The following PDE9A variants were observed in gnomAD, a reference collection of about 807,000 sequenced individuals.
PDE9A encodes phosphodiesterase 9A, also known as high affinity cGMP-specific 3',5'-cyclic phosphodiesterase 9A.
Under a neutral mutation model 87.4 loss-of-function variants are expected in PDE9A, and 60 were observed. That is an observed-to-expected ratio of 0.69 (90% confidence interval 0.56 to 0.85). The LOEUF is 0.85. Among genes scored for constraint, PDE9A ranks in the 40% least tolerant of loss-of-function variants. The pLI is 0.00. For missense variants in PDE9A, 665 were observed against 779.0 expected, an observed-to-expected ratio of 0.85 and a Z score of 1.74; for synonymous variants, 272 against 279.4, an observed-to-expected ratio of 0.97 and a Z score of 0.27.
Position 42,739,429 on chromosome 21 carries a change from A to G in PDE9A, c.569-4347A>G, listed in dbSNP as rs1186635588. On this transcript the variant is annotated intron_variant, in intron 7 of 19. Transcript: ENST00000291539. The surrounding 1 kb of genome is among the most constrained non-coding windows in gnomAD (Gnocchi z 4.1). Reference sequence around the variant, plus strand: ...AAAGGCCAGGGAGTGAGGAGGCAGGACCCCCGGGGACACAGGCACACACAT... The same window carrying G: ...AAAGGCCAGGGAGTGAGGAGGCAGGGCCCCCGGGGACACAGGCACACACAT... Among the ~76,000 whole-genome samples, 1 of 151,474 alleles carries G rather than the reference A, an allele frequency of 6.6e-6. No individual in the cohort carries two copies. Among genetic ancestry groups the G allele is most frequent in the East Asian group, 1.9e-4 (1 of 5,166 alleles).
At chr21:42,706,881 A>G (rs2048882765) in intron 4 of PDE9A, among the ~76,000 whole-genome samples, 1 of 150,622 alleles carries the variant, frequency 6.6e-6, no homozygotes, top group Non-Finnish European at 1.5e-5. Context: ...GGCTTCTTCC[A>G]CTTTGCACAC....
At position 42,710,757 on chromosome 21, in the gene PDE9A, G is replaced by A. The variant is rs1024167886; in HGVS notation, c.262+11746G>A. On this transcript the variant is annotated intron_variant, in intron 4 of 19. Coordinates refer to ENST00000291539, the MANE Select transcript of PDE9A (RefSeq NM_002606.3). ...AATCCTAGCTCTTTGGAAGGCCAAG[G>A]TGGGTGGATTACCTGCGGTCAAGAG... Among the ~76,000 whole-genome samples, 9 of 152,202 alleles carry A rather than the reference G, an allele frequency of 5.9e-5. No homozygotes were observed. In the East Asian group the frequency reaches 7.7e-4, roughly 13 times the overall value.
Position 42,753,492 on chromosome 21 carries a change from C to T in PDE9A, c.736-498C>T, listed in dbSNP as rs540700698. 1.1e-4 allele frequency among the ~76,000 whole-genome samples: 16 copies of T among 152,306 alleles called. No individual in the cohort carries two copies. The South Asian group carries it at 2.9e-3, about 28-fold the overall frequency. ...CCCTCACCCTGCCTCTGGCATCCAC[C>T]GATGGGATCTCCACCCGTAGCATTG... On this transcript the variant is annotated intron_variant, in intron 9 of 19. Coordinates refer to ENST00000291539, the MANE Select transcript of PDE9A (RefSeq NM_002606.3).
chr21:42,677,230 A>T (rs1323157549), intron 1 of PDE9A, among the ~76,000 whole-genome samples: 1 of 152,262 alleles, frequency 6.6e-6, no homozygotes, highest in Admixed American at 6.5e-5. Flanking sequence ...AGTTCAGAGA[A>T]GCTCTGTAAA....
chr21:42,720,574 T>C (rs182601104), intron 4 of PDE9A, among the ~76,000 whole-genome samples: 11 of 152,292 alleles, frequency 7.2e-5, no homozygotes, highest in African/African-American at 2.6e-4. Context: ...TCTCTGGGGT[T>C]TTCTGAAGGG....
chr21:42,754,384 C>T lies in PDE9A; in HGVS notation c.810+320C>T, dbSNP rs538339422. Among the ~76,000 whole-genome samples the T allele has an allele frequency of 4.6e-5, 7 of 152,302 alleles. 1 individual carries two copies. The highest frequency in any genetic ancestry group is 2.6e-4 in the Admixed American group (4 of 15,306). ...TGCTCATCCTGCAGACCCTCATGCA[C>T]GCCGGTGGCAGCCCCGTGCTGCAGA... On this transcript the variant is annotated intron_variant, in intron 10 of 19. Transcript: ENST00000291539.
chr21:42,736,994 G>C (rs2052525894), intron 7 of PDE9A, among the ~76,000 whole-genome samples: 1 of 152,242 alleles, frequency 6.6e-6, no homozygotes, highest in Non-Finnish European at 1.5e-5. Context: ...ACCCAAAGAT[G>C]CAAGAGCCCA....
intron 1 of PDE9A, among the ~76,000 whole-genome samples, chr21:42,654,448 A>C (rs561069039): frequency 2.1e-4 from 32 of 152,248 alleles, no homozygotes; most frequent in Non-Finnish European, 3.5e-4. Context: ...CAGCGTTCCT[A>C]GCGGACTTGA....
intron 1 of PDE9A, among the ~76,000 whole-genome samples, chr21:42,665,038 C>T (rs555534424): frequency 1.4e-4 from 22 of 152,356 alleles, no homozygotes; most frequent in Non-Finnish European, 2.5e-4. Flanking sequence ...CCCATATGCC[C>T]GCCATCCTTC....
rs1020355893 is a variant in PDE9A at position 42,760,570 on chromosome 21, G to A, written c.1002+138G>A. The A allele has an allele frequency of 3.4e-5, 22 of 642,574 alleles. No homozygotes were observed. Among genetic ancestry groups the A allele is most frequent in the East Asian group, 1.9e-4 (7 of 36,632 alleles). 39.8% of individuals were successfully genotyped at this position (642,574 alleles called of 1,614,324 possible). The stretch of plus-strand genomic sequence containing the variant: ...CAGCCGCTCCGCCCCTCCTAGGGAC[G>A]CACCCCTGCCCACCGTTGTCAGTCA... On this transcript the variant is annotated intron_variant, in intron 12 of 19. Transcript: ENST00000291539. The surrounding 1 kb of genome is among the most constrained non-coding windows in gnomAD (Gnocchi z 5.2).
chr21:42,760,780 T>A lies in PDE9A; in HGVS notation c.1003-45T>A, dbSNP rs7275566. The A allele has an allele frequency of 0.03, 26,718 of 890,596 alleles. 4,071 individuals are homozygous for A. The African/African-American group carries it at 0.37, about 12-fold the overall frequency. The allele number at this position is 890,596 out of a possible 1,614,324, so 55.2% of individuals were successfully genotyped here. On this transcript the variant is annotated intron_variant, in intron 12 of 19. Transcript: ENST00000291539. This position sits in a 1 kb window ranked among gnomAD's most constrained non-coding sequence, Gnocchi z 5.2. ...CACCCCCCCTCACCCCATCCCACCCTCCGAGTGAAGAGAGCAAACACCTAC... is the reference window on the plus strand; with the variant it reads ...CACCCCCCCTCACCCCATCCCACCCACCGAGTGAAGAGAGCAAACACCTAC...
intron 8 of PDE9A, among the ~76,000 whole-genome samples, chr21:42,747,562 C>T (rs75331506): frequency 2.6e-5 from 4 of 152,372 alleles, no homozygotes; most frequent in Non-Finnish European, 5.9e-5. Context: ...CGGGGTCCGG[C>T]ACACAGCACC....
At chr21:42,746,994 C>T (rs1020128262) in intron 8 of PDE9A, among the ~76,000 whole-genome samples, 24 of 152,298 alleles carry the variant, frequency 1.6e-4, no homozygotes, top group South Asian at 6.2e-4. Context: ...GCTTCCAAAA[C>T]GGAACAGGGT....
At position 42,739,095 on chromosome 21, in the gene PDE9A, G is replaced by A. The variant is rs940229320; in HGVS notation, c.569-4681G>A. Among the ~76,000 whole-genome samples, 5 of 152,234 alleles carry A rather than the reference G, an allele frequency of 3.3e-5. No homozygotes were observed. The highest frequency in any genetic ancestry group is 4.8e-5 in the African/African-American group (2 of 41,474). ...TGGTCAGCGGGAATAACAGGCAGCC[G>A]TGGGCTGGGCTCCCAGCCCCCTAGC... is the stretch of plus-strand genomic sequence containing the variant. On this transcript the variant is annotated intron_variant, in intron 7 of 19. Coordinates refer to ENST00000291539, the MANE Select transcript of PDE9A (RefSeq NM_002606.3). The surrounding 1 kb of genome is among the most constrained non-coding windows in gnomAD (Gnocchi z 4.1).
At chr21:42,691,221 G>GCCATCA (rs1301302246) in intron 3 of PDE9A, among the ~76,000 whole-genome samples, 3 of 123,190 alleles carry the variant, frequency 2.4e-5, no homozygotes, top group African/African-American at 9.7e-5. Flanking sequence ...CAGTCCCATC[G>GCCATCA]CCATCACCAT....
At chr21:42,761,151 G>A (rs1240615892) in intron 13 of PDE9A, among the ~76,000 whole-genome samples, 1 of 152,218 alleles carries the variant, frequency 6.6e-6, no homozygotes. Flanking sequence ...TCCTGTGCGG[G>A]CCTGGCTTCA....
intron 1 of PDE9A, among the ~76,000 whole-genome samples, chr21:42,673,196 G>T (rs1267704089): frequency 6.6e-6 from 1 of 152,206 alleles, no homozygotes; most frequent in East Asian, 1.9e-4. Context: ...CCTGGGTCAA[G>T]CTGGTAGGAG....
intron 1 of PDE9A, among the ~76,000 whole-genome samples, chr21:42,664,370 C>T (rs1025567181): frequency 6.6e-6 from 1 of 152,230 alleles, no homozygotes; most frequent in African/African-American, 2.4e-5. Flanking sequence ...GTGGCAGCCG[C>T]TCCTGATGGT....
rs2048711901 is a variant in PDE9A at position 42,705,112 on chromosome 21, A to G, written c.262+6101A>G. On this transcript the variant is annotated intron_variant, in intron 4 of 19. Transcript: ENST00000291539. The surrounding 1 kb of genome is among the most constrained non-coding windows in gnomAD (Gnocchi z 4.3). The stretch of plus-strand genomic sequence containing the variant: ...AGCCTCGTTCTCCAGCGTAGAGTAG[A>G]AGGAATGGCCCCGTCCACGCGAAGG... 1.3e-5 allele frequency among the ~76,000 whole-genome samples: 2 copies of G among 152,146 alleles called. No homozygotes were observed. Among genetic ancestry groups the G allele is most frequent in the Admixed American group, 6.5e-5 (1 of 15,278 alleles).
Sources: allele counts gnomAD v4.1 joint callset (sites outside exome capture counted in the v4.1 genomes callset), GRCh38; gene constraint gnomAD v4.1.1; non-coding constraint Gnocchi (gnomAD v3.1); transcripts MANE v1.5; gene names NCBI Gene and HGNC (gene_info 2026-07-23, HGNC 2026-07-21).